The following LGSN variants were observed in gnomAD, a reference collection of about 807,000 sequenced individuals.
LGSN encodes the protein lengsin.
In LGSN, 21 loss-of-function variants were observed where a neutral mutation model predicts 19.5. That is an observed-to-expected ratio of 1.07 (90% CI 0.76 to 1.55). The LOEUF is 1.55. Ranked by LOEUF, LGSN falls within the 40% of genes most tolerant of loss-of-function variation. The pLI is 0.00. For synonymous variants in LGSN, 257 were observed against 215.6 expected, an observed-to-expected ratio of 1.19 and a Z score of -1.68; for missense variants, 673 against 608.5, an observed-to-expected ratio of 1.11 and a Z score of -1.12.
the LGSN span, among the ~76,000 whole-genome samples, chr6:63,453,506 T>C: frequency 6.6e-6 from 1 of 152,194 alleles, no homozygotes; most frequent in Non-Finnish European, 1.5e-5. Context: ...AACTGATCCC[T>C]TTATTGTAAT....
the LGSN span, among the ~76,000 whole-genome samples, chr6:63,467,352 C>T: frequency 1.3e-5 from 2 of 152,024 alleles, no homozygotes; most frequent in Admixed American, 6.6e-5. Flanking sequence ...ATAAACTTCA[C>T]GTTTGCCTCT....
chr6:63,547,346 T>A, the LGSN span, among the ~76,000 whole-genome samples: 1 of 140,920 alleles, frequency 7.1e-6, no homozygotes, highest in African/African-American at 2.6e-5. Flanking sequence ...TGTGCCACCA[T>A]GCCTAGCTAA....
chr6:63,335,873 T>A, the LGSN span, among the ~76,000 whole-genome samples: 2 of 152,228 alleles, frequency 1.3e-5, no homozygotes, highest in African/African-American at 4.8e-5. Context: ...TGTACTCCTA[T>A]GTTTATTGCA....
At chr6:63,285,156 G>C (rs1396433402) in intron 3 of LGSN, among the ~76,000 whole-genome samples, 1 of 152,126 alleles carries the variant, frequency 6.6e-6, no homozygotes. Flanking sequence ...AGAATTTGGA[G>C]CTGAAAGGAA....
the LGSN span, chr6:63,481,674 A>T: frequency 2.5e-4 from 40 of 159,766 alleles, no homozygotes; most frequent in Admixed American, 9.7e-4. Context: ...AAATTTTTTA[A>T]AAAAAATTAG....
At chr6:63,379,457 T>C in the LGSN span, among the ~76,000 whole-genome samples, 2 of 152,210 alleles carry the variant, frequency 1.3e-5, no homozygotes, top group African/African-American at 4.8e-5. Flanking sequence ...TCCTCAGGGA[T>C]GACTTGCACC....
the LGSN span, among the ~76,000 whole-genome samples, chr6:63,365,037 A>G: frequency 2.0e-5 from 3 of 152,132 alleles, no homozygotes; most frequent in African/African-American, 7.2e-5. Flanking sequence ...TAGAGAAGCA[A>G]GAGCAAACAC....
the LGSN span, among the ~76,000 whole-genome samples, chr6:63,335,142 C>CAA: frequency 5.9e-4 from 48 of 81,858 alleles, no homozygotes; most frequent in Middle Eastern, 7.2e-3. Flanking sequence ...GACTCCATCT[C>CAA]AAAAAAAAAA....
the LGSN span, among the ~76,000 whole-genome samples, chr6:63,406,774 C>G: frequency 5.9e-4 from 89 of 151,862 alleles, no homozygotes; most frequent in African/African-American, 2.1e-3. Flanking sequence ...AATTGATAGA[C>G]TGCTAGCAAG....
At chr6:63,365,059 A>G in the LGSN span, among the ~76,000 whole-genome samples, 20 of 151,778 alleles carry the variant, frequency 1.3e-4, no homozygotes, top group Non-Finnish European at 2.4e-4. Context: ...TTCAAAAGCT[A>G]GCAGAAGACA....
At chr6:63,357,340 G>A in the LGSN span, among the ~76,000 whole-genome samples, 19,819 of 152,032 alleles carry the variant, frequency 0.13, 2,851 homozygotes, top group African/African-American at 0.36. Context: ...TCCTTTGGGT[G>A]TATACCCAGT....
the LGSN span, among the ~76,000 whole-genome samples, chr6:63,473,058 G>A: frequency 6.6e-6 from 1 of 152,086 alleles, no homozygotes; most frequent in Non-Finnish European, 1.5e-5. Context: ...TGAAAAATAA[G>A]ATCTCCCAGT....
the LGSN span, among the ~76,000 whole-genome samples, chr6:63,378,376 C>G: frequency 6.6e-6 from 1 of 152,252 alleles, no homozygotes; most frequent in South Asian, 2.1e-4. Context: ...CCACCCCACC[C>G]CCAAAATTAT....
At chr6:63,324,138 T>C (rs756376168), upstream of LGSN, among the ~76,000 whole-genome samples, 12 of 152,184 alleles carry the variant, frequency 7.9e-5, no homozygotes, top group Non-Finnish European at 1.6e-4. Context: ...ACACTAATGC[T>C]AGATGAGAAT....
the LGSN span, among the ~76,000 whole-genome samples, chr6:63,433,165 G>A: frequency 6.6e-6 from 1 of 151,906 alleles, no homozygotes; most frequent in African/African-American, 2.4e-5. Flanking sequence ...AAGGGGGAAA[G>A]TTGGGGGGGT....
At chr6:63,539,369 C>G in the LGSN span, among the ~76,000 whole-genome samples, 2 of 152,168 alleles carry the variant, frequency 1.3e-5, no homozygotes, top group Admixed American at 6.5e-5. Flanking sequence ...GTATCTCCCT[C>G]CAGGATTCCA....
At chr6:63,338,074 C>T in the LGSN span, among the ~76,000 whole-genome samples, 1 of 151,946 alleles carries the variant, frequency 6.6e-6, no homozygotes, top group African/African-American at 2.4e-5. Context: ...TTAGTAGAGA[C>T]AAGGTTTCAC....
intron 2 of LGSN, among the ~76,000 whole-genome samples, chr6:63,291,780 C>T (rs1767782206): frequency 6.6e-6 from 1 of 152,144 alleles, no homozygotes; most frequent in Non-Finnish European, 1.5e-5. Context: ...CAGAATAACC[C>T]CTCGAAAATT....
chr6:63,540,618 C>T, the LGSN span, among the ~76,000 whole-genome samples: 1 of 151,158 alleles, frequency 6.6e-6, no homozygotes, highest in African/African-American at 2.4e-5. Context: ...GATAGAGACC[C>T]TGTATCACAA....
Sources: gnomAD v4.1 joint callset for allele counts (sites outside exome capture counted in the v4.1 genomes callset) on GRCh38, gnomAD v4.1.1 for gene constraint, MANE v1.5 for transcripts, NCBI Gene and HGNC (gene_info 2026-07-23, HGNC 2026-07-21) for gene names.